SPATS2L: variants seen among roughly 807,000 people sequenced by gnomAD.
SPATS2L encodes spermatogenesis associated serine rich 2 like, also known as SPATS2-like protein.
SPATS2L carries 30 observed loss-of-function variants against 59.6 expected under a neutral mutation model. That is an observed-to-expected ratio of 0.50 (90% CI 0.38 to 0.68). The LOEUF (loss-of-function observed/expected upper bound fraction) is 0.68. Among genes scored for constraint, SPATS2L ranks in the 30% least tolerant of loss-of-function variants. The pLI, the probability that SPATS2L is intolerant of heterozygous loss-of-function variation, is 0.00. For missense variants in SPATS2L, 615 were observed against 700.0 expected, an observed-to-expected ratio of 0.88 and a Z score of 1.37; for synonymous variants, 252 against 263.5, an observed-to-expected ratio of 0.96 and a Z score of 0.42.
At chr2:200,408,709 G>T (rs982977249) in intron 3 of SPATS2L, among the ~76,000 whole-genome samples, 4 of 152,200 alleles carry the variant, frequency 2.6e-5, no homozygotes, top group Non-Finnish European at 5.9e-5. Flanking sequence ...ACCAAACAAC[G>T]TCCATGAAAG....
At chr2:200,451,554 A>C (rs1162855076) in intron 8 of SPATS2L, among the ~76,000 whole-genome samples, 1 of 152,174 alleles carries the variant, frequency 6.6e-6, no homozygotes, top group Non-Finnish European at 1.5e-5. Flanking sequence ...GTACGGCCTT[A>C]CCATGGGCAA....
At chr2:200,446,039 A>C (rs1361840898) in intron 8 of SPATS2L, among the ~76,000 whole-genome samples, 1 of 152,120 alleles carries the variant, frequency 6.6e-6, no homozygotes, top group Non-Finnish European at 1.5e-5. Flanking sequence ...TGATTGTACC[A>C]CGCTTTTAAA....
intron 3 of SPATS2L, among the ~76,000 whole-genome samples, chr2:200,392,358 G>A (rs992829918): frequency 1.3e-5 from 2 of 152,204 alleles, no homozygotes; most frequent in African/African-American, 2.4e-5. Flanking sequence ...AATACTTGGA[G>A]GTTTGGGGTG....
intron 1 of SPATS2L, among the ~76,000 whole-genome samples, chr2:200,307,431 C>T (rs1300125048): frequency 6.6e-6 from 1 of 151,962 alleles, no homozygotes. Flanking sequence ...GCGGGGGCCG[C>T]GGCCCCACTG....
intron 8 of SPATS2L, among the ~76,000 whole-genome samples, chr2:200,457,353 C>T (rs974256738): frequency 1.3e-5 from 2 of 152,108 alleles, no homozygotes; most frequent in Non-Finnish European, 2.9e-5. Context: ...GCATTTCATA[C>T]AATTACTGAA....
rs2083234074 is a variant in SPATS2L, at chr2:200,419,768, T to C, written c.445+272T>C. Among the ~76,000 whole-genome samples, 3 of 148,224 alleles carry C rather than the reference T, an allele frequency of 2.0e-5. No individual in the cohort carries two copies. The South Asian group carries it at 6.5e-4, about 32-fold the overall frequency. ...GCTGTGCAAGGCTAGAGTGCAGTGGTGTGGTCATAGCTCACTGCAGCTGCA... is the reference window on the plus strand; with the variant it reads ...GCTGTGCAAGGCTAGAGTGCAGTGGCGTGGTCATAGCTCACTGCAGCTGCA... On this transcript the variant is annotated intron_variant, in intron 6 of 12. Coordinates refer to ENST00000409140, the MANE Select transcript of SPATS2L (RefSeq NM_001100423.2).
chr2:200,350,727 G>A (rs1044240764), intron 2 of SPATS2L, among the ~76,000 whole-genome samples: 6 of 151,970 alleles, frequency 3.9e-5, no homozygotes, highest in African/African-American at 9.7e-5. Flanking sequence ...TAGAGATGGC[G>A]TTTCACCATG....
rs185633460 is a variant in SPATS2L at position 200,398,943 on chromosome 2, T to C, written c.39+9660T>C. Among the ~76,000 whole-genome samples, 822 of 152,342 alleles carry C rather than the reference T, an allele frequency of 5.4e-3. 6 individuals carry two copies. Among genetic ancestry groups the C allele is most frequent in the Non-Finnish European group, 9.8e-3 (666 of 68,028 alleles). On this transcript the variant is annotated intron_variant, in intron 3 of 12. Transcript: ENST00000409140. Reference sequence around the variant, plus strand: ...GTGTGGTTCACTGGCATAACATTTCTGATGCCCTCCTGTCTTAGGGATGCT... The same window carrying C: ...GTGTGGTTCACTGGCATAACATTTCCGATGCCCTCCTGTCTTAGGGATGCT...
intron 2 of SPATS2L, among the ~76,000 whole-genome samples, chr2:200,376,404 T>G (rs1290520156): frequency 2.6e-5 from 4 of 152,222 alleles, no homozygotes; most frequent in Non-Finnish European, 5.9e-5. Context: ...TAGAATAAAC[T>G]AAAGGGAATT....
At chr2:200,435,024 C>T (rs746206900) in intron 6 of SPATS2L, among the ~76,000 whole-genome samples, 31 of 152,078 alleles carry the variant, frequency 2.0e-4, no homozygotes, top group Admixed American at 9.2e-4. Flanking sequence ...TAATGTTTAT[C>T]AGAGGTACCA....
intron 11 of SPATS2L, among the ~76,000 whole-genome samples, chr2:200,472,167 C>A: frequency 6.6e-6 from 1 of 152,214 alleles, no homozygotes; most frequent in East Asian, 1.9e-4. Context: ...AAGTGGTGCA[C>A]ATCTGCAGTG....
chr2:200,477,504 C>T (rs2087619276), intron 12 of SPATS2L, 132 bp from the exon 13 acceptor site: 8 of 595,282 alleles, frequency 1.3e-5, no homozygotes, highest in Admixed American at 5.3e-5. Context: ...TTTTCTGATT[C>T]TTCTGGTGTA....
At chr2:200,344,822 G>A (rs1047196288) in intron 2 of SPATS2L, among the ~76,000 whole-genome samples, 7 of 152,134 alleles carry the variant, frequency 4.6e-5, no homozygotes, top group Admixed American at 4.6e-4. Context: ...AATAACCAGT[G>A]ATATTGAGCT....
intron 2 of SPATS2L, among the ~76,000 whole-genome samples, chr2:200,373,927 G>A (rs1344473245): frequency 6.6e-6 from 1 of 152,168 alleles, no homozygotes; most frequent in Non-Finnish European, 1.5e-5. Context: ...AGTGGGGTGG[G>A]AGGGAGAATT....
chr2:200,318,564 A>G (rs1210891469), intron 1 of SPATS2L, among the ~76,000 whole-genome samples: 4 of 152,326 alleles, frequency 2.6e-5, no homozygotes, highest in African/African-American at 9.6e-5. Context: ...GGATGATATC[A>G]ACTAAGGTTT....
intron 9 of SPATS2L, among the ~76,000 whole-genome samples, chr2:200,462,530 AT>A (rs1431477217): frequency 3.3e-5 from 5 of 152,294 alleles, no homozygotes; most frequent in African/African-American, 1.2e-4. Context: ...GCCCATTTGC[AT>A]GCTTTTGAGG....
intron 6 of SPATS2L, among the ~76,000 whole-genome samples, chr2:200,434,204 CAG>C (rs1442341935): frequency 3.3e-5 from 5 of 151,838 alleles, no homozygotes; most frequent in African/African-American, 1.2e-4. Context: ...ATGATCATCT[CAG>C]TGTGTAAAAT....
intron 6 of SPATS2L, among the ~76,000 whole-genome samples, chr2:200,423,631 G>GA (rs1354168526): frequency 1.3e-5 from 2 of 152,104 alleles, no homozygotes; most frequent in African/African-American, 2.4e-5. Context: ...TGAAAAATTA[G>GA]AAAAAAGTCA....
intron 6 of SPATS2L, among the ~76,000 whole-genome samples, chr2:200,425,483 G>A (rs2083514958): frequency 6.6e-6 from 1 of 152,048 alleles, no homozygotes; most frequent in Admixed American, 6.6e-5. Context: ...TTCAAATCTT[G>A]GCCTCATCAC....
Sources: gnomAD v4.1 joint callset for allele counts (sites outside exome capture counted in the v4.1 genomes callset) on GRCh38, gnomAD v4.1.1 for gene constraint, MANE v1.5 for transcripts, NCBI Gene and HGNC (gene_info 2026-07-23, HGNC 2026-07-21) for gene names.